MACROD2: variants seen among roughly 807,000 people sequenced by gnomAD.
The protein encoded by MACROD2 is mono-ADP ribosylhydrolase 2.
Under a neutral mutation model 70.4 loss-of-function variants are expected in MACROD2, and 36 were observed. The ratio of observed to expected loss-of-function variants is 0.51; its 90% confidence interval spans 0.39 to 0.68. MACROD2 has a LOEUF of 0.68. Ranked by LOEUF, MACROD2 falls within the 30% of genes least tolerant of loss-of-function variation. The pLI is 0.00. For synonymous variants in MACROD2, 172 were observed against 178.8 expected (o/e 0.96, Z 0.30); for missense variants, 496 against 538.4 (o/e 0.92, Z 0.78).
At chr20:14,235,595 C>G (rs944313777) in intron 3 of MACROD2, among the ~76,000 whole-genome samples, 7 of 152,164 alleles carry the variant, frequency 4.6e-5, no homozygotes, top group African/African-American at 1.2e-4. Flanking sequence ...AGAGGAACAA[C>G]CAACTACATT....
chr20:14,560,162 A>G (rs746057142), intron 4 of MACROD2, among the ~76,000 whole-genome samples: 13 of 152,000 alleles, frequency 8.6e-5, no homozygotes, highest in Non-Finnish European at 1.9e-4. Flanking sequence ...AATTTTCTAT[A>G]GAGACCTTTT....
chr20:15,302,383 TACAC>T (rs1180644749), intron 6 of MACROD2, among the ~76,000 whole-genome samples: 8 of 77,612 alleles, frequency 1.0e-4, no homozygotes, highest in Non-Finnish European at 1.4e-4. Context: ...CACACACACA[TACAC>T]ACATACAGAT....
At chr20:14,722,420 T>G (rs2071480541) in intron 5 of MACROD2, among the ~76,000 whole-genome samples, 1 of 152,128 alleles carries the variant, frequency 6.6e-6, no homozygotes, top group Non-Finnish European at 1.5e-5. Flanking sequence ...TAGGTTAGGT[T>G]TCTGACAGGG....
At chr20:14,799,099 G>T (rs1449236758) in intron 5 of MACROD2, among the ~76,000 whole-genome samples, 1 of 151,718 alleles carries the variant, frequency 6.6e-6, no homozygotes, top group African/African-American at 2.4e-5. Context: ...AAAGTAAATC[G>T]TTAGAGAAGG....
chr20:15,321,031 A>G (rs1384802894), intron 6 of MACROD2, among the ~76,000 whole-genome samples: 1 of 152,194 alleles, frequency 6.6e-6, no homozygotes, highest in Non-Finnish European at 1.5e-5. Flanking sequence ...CTTAATAAAT[A>G]TGAACTCTCT....
chr20:15,559,252 A>T (rs924059957), intron 8 of MACROD2, among the ~76,000 whole-genome samples: 1 of 147,528 alleles, frequency 6.8e-6, no homozygotes, highest in Non-Finnish European at 1.5e-5. Flanking sequence ...AAAAAAAAAA[A>T]GATTCTCAGG....
chr20:14,118,218 A>G (rs1470657141), intron 3 of MACROD2, among the ~76,000 whole-genome samples: 1 of 152,176 alleles, frequency 6.6e-6, no homozygotes, highest in Non-Finnish European at 1.5e-5. Context: ...GTTTGTACAA[A>G]ACTCGGCTTC....
chr20:15,162,961 A>G (rs1187327709), intron 5 of MACROD2, among the ~76,000 whole-genome samples: 1 of 152,152 alleles, frequency 6.6e-6, no homozygotes, highest in Admixed American at 6.6e-5. Flanking sequence ...TTGGCATTAA[A>G]CAAATTAGAT....
chr20:15,490,131 T>TTTCCTTCCTTCCTTCCTTCCTTCCTTCC (rs111772643), intron 7 of MACROD2, among the ~76,000 whole-genome samples: 9 of 141,758 alleles, frequency 6.3e-5, no homozygotes, highest in South Asian at 2.4e-4. Flanking sequence ...CCTCTTGGCA[T>TTTCCTTCCTTCCTTCCTTCCTTCCTTCC]TTCCTTCCTT....
At chr20:14,394,493 T>C (rs934335767) in intron 3 of MACROD2, among the ~76,000 whole-genome samples, 2 of 152,184 alleles carry the variant, frequency 1.3e-5, no homozygotes, top group African/African-American at 2.4e-5. Context: ...CCTAGAAGCT[T>C]TTGCACAGAA....
At chr20:15,849,080 TAGG>T (rs1402469268) in intron 8 of MACROD2, among the ~76,000 whole-genome samples, 1 of 152,186 alleles carries the variant, frequency 6.6e-6, no homozygotes, top group Non-Finnish European at 1.5e-5. Flanking sequence ...GGGTGGCTAA[TAGG>T]AGAGGCACAG....
intron 2 of MACROD2, among the ~76,000 whole-genome samples, chr20:14,077,811 G>A (rs2053932421): frequency 1.3e-5 from 2 of 151,372 alleles, no homozygotes; most frequent in African/African-American, 4.8e-5. Context: ...TATAAAACTA[G>A]AACTTGGTTT....
intron 7 of MACROD2, among the ~76,000 whole-genome samples, chr20:15,434,572 G>A (rs1381237930): frequency 1.3e-5 from 2 of 152,132 alleles, no homozygotes; most frequent in Non-Finnish European, 2.9e-5. Flanking sequence ...CTGCTGGCGG[G>A]AATGTAAATT....
chr20:14,238,813 G>A (rs6042608), intron 3 of MACROD2, among the ~76,000 whole-genome samples: 1 of 152,068 alleles, frequency 6.6e-6, no homozygotes, highest in East Asian at 1.9e-4. Flanking sequence ...CGGATCATTA[G>A]GTCAGGAGTT....
At chr20:15,248,345 C>T (rs1011423779) in intron 6 of MACROD2, among the ~76,000 whole-genome samples, 6 of 152,174 alleles carry the variant, frequency 3.9e-5, no homozygotes, top group Non-Finnish European at 8.8e-5. Flanking sequence ...CTTTAGGATG[C>T]TTGCCTCTCA....
At chr20:14,278,708 G>T (rs759025067) in intron 3 of MACROD2, among the ~76,000 whole-genome samples, 49 of 152,078 alleles carry the variant, frequency 3.2e-4, no homozygotes, top group Non-Finnish European at 5.7e-4. Flanking sequence ...AATTGTATTA[G>T]AGAACATTAG....
At chr20:15,897,357 T>TTA (rs2064988598) in intron 10 of MACROD2, among the ~76,000 whole-genome samples, 2 of 152,208 alleles carry the variant, frequency 1.3e-5, no homozygotes, top group Non-Finnish European at 2.9e-5. Context: ...TGTTCCATAG[T>TTA]ATCACTATGA....
intron 5 of MACROD2, among the ~76,000 whole-genome samples, chr20:15,207,498 A>G (rs1212301247): frequency 1.6e-5 from 2 of 126,674 alleles, no homozygotes; most frequent in African/African-American, 6.4e-5. Context: ...GCTGCAGTGC[A>G]GTGGCATGAT....
At chr20:14,904,966 G>A (rs775222070) in intron 5 of MACROD2, 11 of 152,128 alleles carry the variant, frequency 7.2e-5, no homozygotes, top group East Asian at 1.9e-4. Context: ...TCATTTATTC[G>A]TTCCTTTGTT....
Sources: gnomAD v4.1 joint callset for allele counts (sites outside exome capture counted in the v4.1 genomes callset) on GRCh38, gnomAD v4.1.1 for gene constraint, MANE v1.5 for transcripts, NCBI Gene and HGNC (gene_info 2026-07-23, HGNC 2026-07-21) for gene names.